The following CPA6 variants were observed in gnomAD, a reference collection of about 807,000 sequenced individuals.
The protein encoded by CPA6 is carboxypeptidase B.
CPA6 carries 58 observed loss-of-function variants against 63.3 expected under a neutral mutation model. The observed-to-expected ratio is 0.92, with a 90% CI of 0.74 to 1.14. The LOEUF (loss-of-function observed/expected upper bound fraction) is 1.14. Among genes scored for constraint, CPA6 ranks in the 50% most tolerant of loss-of-function variants. CPA6 has a pLI of 0.00. For missense variants in CPA6, 565 were observed against 526.6 expected, an observed-to-expected ratio of 1.07 and a Z score of -0.71; for synonymous variants, 185 against 179.0, an observed-to-expected ratio of 1.03 and a Z score of -0.27.
At chr8:67,716,908 A>G (rs141697596) in intron 1 of CPA6, among the ~76,000 whole-genome samples, 105 of 152,352 alleles carry the variant, frequency 6.9e-4, no homozygotes, top group Admixed American at 1.2e-3. Flanking sequence ...GAGAAAATGA[A>G]TAATGATATA....
At chr8:67,518,133 G>A (rs1812186438) in intron 2 of CPA6, 86 bp from the exon 3 acceptor site, 3 of 1,280,516 alleles carry the variant, frequency 2.3e-6, no homozygotes, top group Admixed American at 5.3e-5. Context: ...TCTTTTGTTT[G>A]CATATAGTAA....
chr8:67,578,473 G>A (rs1183155244), intron 2 of CPA6, among the ~76,000 whole-genome samples: 1 of 152,160 alleles, frequency 6.6e-6, no homozygotes, highest in Non-Finnish European at 1.5e-5. Flanking sequence ...GTATCTTATA[G>A]AGACACGGTA....
At chr8:67,513,652 A>G (rs1337959386) in intron 3 of CPA6, among the ~76,000 whole-genome samples, 1 of 152,170 alleles carries the variant, frequency 6.6e-6, no homozygotes, top group Non-Finnish European at 1.5e-5. Flanking sequence ...ACCCAAACGC[A>G]GGCCCTAGGA....
At chr8:67,501,080 AATCTT>A (rs1257793633) in intron 6 of CPA6, among the ~76,000 whole-genome samples, 1 of 152,100 alleles carries the variant, frequency 6.6e-6, no homozygotes, top group Non-Finnish European at 1.5e-5. Flanking sequence ...TTTTAAGAAT[AATCTT>A]ATCTATGGCT....
At chr8:67,654,842 G>A (rs1370473032) in intron 1 of CPA6, among the ~76,000 whole-genome samples, 2 of 152,060 alleles carry the variant, frequency 1.3e-5, no homozygotes, top group Non-Finnish European at 2.9e-5. Flanking sequence ...AGGCCTCAAG[G>A]GCTTACGATG....
At chr8:67,434,676 AACAAC>A (rs898363884) in intron 8 of CPA6, among the ~76,000 whole-genome samples, 1 of 152,188 alleles carries the variant, frequency 6.6e-6, no homozygotes, top group Admixed American at 6.5e-5. Context: ...CTCGCTTGGC[AACAAC>A]ACAAGTCTCA....
At chr8:67,452,841 G>A (rs1381463067) in intron 8 of CPA6, among the ~76,000 whole-genome samples, 1 of 152,202 alleles carries the variant, frequency 6.6e-6, no homozygotes, top group Non-Finnish European at 1.5e-5. Flanking sequence ...AACTCAAGGA[G>A]TTGGCTATGG....
chr8:67,517,923 T>G lies in CPA6; in HGVS notation c.317A>C (p.Lys106Thr). ...AFLQEANIQYKVLIEDLQKTL... is the reference protein window; with the variant it reads ...AFLQEANIQYTVLIEDLQKTL... The stretch of plus-strand genomic sequence containing the variant: ...ATAGCAAGTGAAAAGGAATGCTTAC[T>G]TGTACTGGATGTTGGCTTCCTGTAA... Residue 106 changes from lysine to threonine, a missense_variant and splice_region_variant, in exon 3 of 11, where the codon AAG becomes ACG. Lys to Thr is a moderately conservative substitution (Grantham distance 78). Coordinates refer to ENST00000297770, the MANE Select transcript of CPA6 (RefSeq NM_020361.5). The G allele has an allele frequency of 6.2e-7, 1 of 1,605,546 alleles. No individual in the cohort carries two copies. The highest frequency in any genetic ancestry group is 1.3e-5 in the African/African-American group (1 of 74,576).
intron 8 of CPA6, among the ~76,000 whole-genome samples, chr8:67,476,770 T>A: frequency 6.6e-6 from 1 of 152,146 alleles, no homozygotes; most frequent in Non-Finnish European, 1.5e-5. Context: ...TGAGCTCAAT[T>A]CGTAATCTTG....
intron 1 of CPA6, among the ~76,000 whole-genome samples, chr8:67,742,853 A>G (rs973741167): frequency 6.6e-6 from 1 of 152,210 alleles, no homozygotes. Flanking sequence ...AGTTTTCAAA[A>G]ATCATGGCCA....
chr8:67,627,510 G>T (rs1815220043), intron 1 of CPA6, among the ~76,000 whole-genome samples: 1 of 152,150 alleles, frequency 6.6e-6, no homozygotes, highest in Non-Finnish European at 1.5e-5. Context: ...TACCCTTTGG[G>T]GTTAAGATGA....
At chr8:67,669,426 G>C (rs78293548) in intron 1 of CPA6, among the ~76,000 whole-genome samples, 2,077 of 152,320 alleles carry the variant, frequency 0.014, 35 homozygotes, top group African/African-American at 0.044. Flanking sequence ...AATTATACAT[G>C]CTCACCCACA....
At chr8:67,513,090 G>A (rs1812074451) in intron 3 of CPA6, among the ~76,000 whole-genome samples, 2 of 152,058 alleles carry the variant, frequency 1.3e-5, no homozygotes, top group South Asian at 4.1e-4. Flanking sequence ...TTTAGAAATC[G>A]AGGTAAGGTG....
chr8:67,425,891 TTTC>T (rs1436975872), intron 10 of CPA6, among the ~76,000 whole-genome samples: 3 of 150,312 alleles, frequency 2.0e-5, no homozygotes, highest in African/African-American at 7.5e-5. Context: ...TCTTTTTCTT[TTTC>T]TTTTCTTTTT....
At chr8:67,637,887 G>A (rs1398227245) in intron 1 of CPA6, among the ~76,000 whole-genome samples, 2 of 151,274 alleles carry the variant, frequency 1.3e-5, no homozygotes, top group Non-Finnish European at 2.9e-5. Flanking sequence ...GCATATGTAA[G>A]ATTCACCTAG....
At chr8:67,650,722 CTG>C (rs1815816945) in intron 1 of CPA6, among the ~76,000 whole-genome samples, 2 of 152,256 alleles carry the variant, frequency 1.3e-5, no homozygotes, top group Middle Eastern at 3.4e-3. Context: ...GGATGGGAGA[CTG>C]TCTACGATGT....
intron 8 of CPA6, among the ~76,000 whole-genome samples, chr8:67,439,160 G>A (rs1221631234): frequency 7.9e-5 from 12 of 152,132 alleles, no homozygotes. Flanking sequence ...GCCAGGTATG[G>A]TGGCACACAC....
In CPA6 at chr8:67,484,749, A is replaced by T. The variant is rs1247779941; in HGVS notation, c.677T>A (p.Met226Lys). 2 of 1,610,304 alleles carry T rather than the reference A, an allele frequency of 1.2e-6. No individual in the cohort carries two copies. Among genetic ancestry groups the T allele is most frequent in the African/African-American group, 2.7e-5 (2 of 74,858 alleles). The change falls in exon 7 of 11, where the codon ATG (methionine) becomes AAG (lysine). Residue 226 changes from methionine to lysine, a missense_variant. By Grantham distance (95) the Met-to-Lys change is moderately conservative. Coordinates refer to ENST00000297770, the MANE Select transcript of CPA6 (RefSeq NM_020361.5). ...GATATAGAAATATAGATGATTCAAC[A>T]TTTTTCTCATGGCTGGGTCACTCTT... Reference protein sequence around the residue: ...TYKSDPAMRKMLNHLYFYIMP... With the variant: ...TYKSDPAMRKKLNHLYFYIMP...
At chr8:67,740,328 C>T (rs888080201) in intron 1 of CPA6, among the ~76,000 whole-genome samples, 6 of 152,116 alleles carry the variant, frequency 3.9e-5, no homozygotes, top group African/African-American at 1.4e-4. Context: ...GTGCTCTAGA[C>T]CTAGGTTTCC....
Sources: gnomAD v4.1 joint callset for allele counts (sites outside exome capture counted in the v4.1 genomes callset) on GRCh38, gnomAD v4.1.1 for gene constraint, MANE v1.5 for transcripts, NCBI Gene and HGNC (gene_info 2026-07-23, HGNC 2026-07-21) for gene names.